The following MYRIP variants were observed in gnomAD, a reference collection of about 807,000 sequenced individuals.
MYRIP encodes myosin VIIA and Rab interacting protein.
MYRIP carries 49 observed loss-of-function variants against 98.0 expected under a neutral mutation model. That is an observed-to-expected ratio of 0.50 (90% confidence interval 0.40 to 0.63). MYRIP has a LOEUF of 0.63. Among genes scored for constraint, MYRIP ranks in the 30% least tolerant of loss-of-function variants. The probability of loss-of-function intolerance (pLI) is 0.00; values close to 1 mark genes in which losing one functional copy is unlikely to be tolerated. For synonymous variants in MYRIP, 404 were observed against 409.5 expected, an observed-to-expected ratio of 0.99 and a Z score of 0.16; for missense variants, 1,004 against 1,058.2, an observed-to-expected ratio of 0.95 and a Z score of 0.71.
intron 3 of MYRIP, among the ~76,000 whole-genome samples, chr3:40,070,878 A>G (rs113100807): frequency 1.3e-4 from 20 of 152,284 alleles, no homozygotes; most frequent in Middle Eastern, 3.4e-3. Context: ...CCAGCTTCTG[A>G]GAGATGTTGG....
intron 3 of MYRIP, among the ~76,000 whole-genome samples, chr3:40,137,619 G>C (rs778165035): frequency 1.3e-5 from 2 of 152,050 alleles, no homozygotes; most frequent in South Asian, 2.1e-4. Context: ...GATGAACATC[G>C]ATGCAAAAAT....
At chr3:39,845,416 T>C (rs1036369780) in intron 1 of MYRIP, among the ~76,000 whole-genome samples, 1 of 152,208 alleles carries the variant, frequency 6.6e-6, no homozygotes, top group Non-Finnish European at 1.5e-5. Flanking sequence ...TATTTTCTCA[T>C]TTTTTAAATT....
intron 16 of MYRIP, among the ~76,000 whole-genome samples, chr3:40,257,314 C>A (rs991321781): frequency 6.6e-6 from 1 of 152,074 alleles, no homozygotes; most frequent in Non-Finnish European, 1.5e-5. Context: ...AGAGTGAGAC[C>A]CTGTCTCTAA....
intron 3 of MYRIP, among the ~76,000 whole-genome samples, chr3:40,114,175 G>A (rs985396733): frequency 2.0e-5 from 3 of 152,094 alleles, no homozygotes; most frequent in Non-Finnish European, 2.9e-5. Flanking sequence ...TACAACAGTG[G>A]TACTATAACA....
rs750921500 is a variant in MYRIP, at chr3:39,900,804, G to C, written c.-13G>C. 152 of 1,606,148 alleles carry C rather than the reference G, an allele frequency of 9.5e-5. No homozygotes were observed. Among genetic ancestry groups the C allele is most frequent in the Non-Finnish European group, 1.2e-4 (144 of 1,173,856 alleles). ...TTTCCCAGGTCTTGTTTCATCATCT[G>C]TGTTGAGTAACCATGGGGAGGAAGC... On this transcript the variant is annotated 5_prime_UTR_variant, in exon 2 of 17. Transcript: ENST00000302541.
chr3:40,046,647 C>G (rs936774615), intron 3 of MYRIP, among the ~76,000 whole-genome samples: 1 of 149,788 alleles, frequency 6.7e-6, no homozygotes, highest in African/African-American at 2.5e-5. Flanking sequence ...GCAGAGTCAC[C>G]CAAGGTGTGT....
At chr3:40,006,958 G>C (rs542965908) in intron 2 of MYRIP, among the ~76,000 whole-genome samples, 1 of 152,016 alleles carries the variant, frequency 6.6e-6, no homozygotes, top group Non-Finnish European at 1.5e-5. Context: ...TGCTGGGCTC[G>C]GGCAATCCTC....
At chr3:39,957,966 T>C (rs1383494354) in intron 2 of MYRIP, among the ~76,000 whole-genome samples, 1 of 152,082 alleles carries the variant, frequency 6.6e-6, no homozygotes, top group African/African-American at 2.4e-5. Flanking sequence ...GGAATCTAAC[T>C]TACAAGGGAT....
Position 39,987,257 on chromosome 3 carries a change from G to A in MYRIP, c.111-56793G>A, listed in dbSNP as rs147659879. On this transcript the variant is annotated intron_variant, in intron 2 of 16. Coordinates refer to ENST00000302541, the MANE Select transcript of MYRIP (RefSeq NM_015460.4). Reference sequence around the variant, plus strand: ...CCACTTGTGAGCGAGATCATGTGGTGTTTGGTTTTCTCTTCCTGTGTTAGT... The same window carrying A: ...CCACTTGTGAGCGAGATCATGTGGTATTTGGTTTTCTCTTCCTGTGTTAGT... 2.2e-3 allele frequency among the ~76,000 whole-genome samples: 342 copies of A among 152,234 alleles called. 1 individual carries two copies. Among genetic ancestry groups the A allele is most frequent in the African/African-American group, 7.9e-3 (327 of 41,544 alleles).
chr3:40,222,803 G>A lies in MYRIP; in HGVS notation c.1906-11056G>A, dbSNP rs142496332. ...ACCTGTACAAGAATATAGCAATCTTGAACACAGTTAAATGCAAAATAAAAA... is the reference window on the plus strand; with the variant it reads ...ACCTGTACAAGAATATAGCAATCTTAAACACAGTTAAATGCAAAATAAAAA... On this transcript the variant is annotated intron_variant, in intron 11 of 16. Coordinates refer to ENST00000302541, the MANE Select transcript of MYRIP (RefSeq NM_015460.4). Among the ~76,000 whole-genome samples the A allele has an allele frequency of 2.8e-4, 42 of 152,262 alleles. 1 individual carries two copies. In the East Asian group the frequency reaches 7.1e-3, roughly 26 times the overall value.
At chr3:39,944,524 T>C (rs1453492845) in intron 2 of MYRIP, among the ~76,000 whole-genome samples, 1 of 152,068 alleles carries the variant, frequency 6.6e-6, no homozygotes, top group African/African-American at 2.4e-5. Flanking sequence ...ATATTCTGTA[T>C]ATGCACAAAA....
intron 1 of MYRIP, among the ~76,000 whole-genome samples, chr3:39,881,094 CACTA>C (rs762058562): frequency 8.4e-4 from 127 of 151,964 alleles, no homozygotes; most frequent in Non-Finnish European, 1.5e-3. Flanking sequence ...TATTCTTGTT[CACTA>C]ACTATTTTTT....
At chr3:39,909,099 G>A (rs901908305) in intron 2 of MYRIP, among the ~76,000 whole-genome samples, 1 of 152,156 alleles carries the variant, frequency 6.6e-6, no homozygotes, top group Non-Finnish European at 1.5e-5. Flanking sequence ...TGGTGCAGTG[G>A]GAGGCAGGAC....
At chr3:40,051,530 A>G (rs1947795226) in intron 3 of MYRIP, among the ~76,000 whole-genome samples, 1 of 152,162 alleles carries the variant, frequency 6.6e-6, no homozygotes, top group Non-Finnish European at 1.5e-5. Flanking sequence ...ACTGGGAAAC[A>G]AAAAATTTGT....
intron 2 of MYRIP, among the ~76,000 whole-genome samples, chr3:40,016,132 G>A (rs1255493216): frequency 2.0e-5 from 3 of 151,954 alleles, no homozygotes; most frequent in South Asian, 2.1e-4. Flanking sequence ...TCTTCCTTCT[G>A]TCCTCTTCTC....
chr3:40,044,155 C>T lies in MYRIP; in HGVS notation c.216C>T (p.Thr72=). The change falls in exon 3 of 17, where the codon ACC becomes ACT. Residue 72 remains threonine, a synonymous_variant. Coordinates refer to ENST00000302541, the MANE Select transcript of MYRIP (RefSeq NM_015460.4). ...GCATGCGCTGCTGCTCGCCCTTCAC[C>T]TTCCTCGTCAACACCAAGCGCCAGT... ...HCCMRCCSPF[T]FLVNTKRQCG... is the part of the protein sequence containing the mutation. 1.2e-6 allele frequency: 2 copies of T among 1,614,212 alleles called. No individual in the cohort carries two copies. The highest frequency in any genetic ancestry group is 2.2e-5 in the East Asian group (1 of 44,866).
chr3:40,183,208 A>C (rs960342105), intron 9 of MYRIP, among the ~76,000 whole-genome samples: 1 of 152,198 alleles, frequency 6.6e-6, no homozygotes, highest in African/African-American at 2.4e-5. Flanking sequence ...GCAGGCCCGG[A>C]GAAATGGCAT....
intron 8 of MYRIP, among the ~76,000 whole-genome samples, chr3:40,175,332 T>G (rs969982655): frequency 2.0e-5 from 3 of 152,138 alleles, no homozygotes; most frequent in African/African-American, 7.2e-5. Flanking sequence ...TTCAGCCATC[T>G]ACATGTAACA....
intron 1 of MYRIP, among the ~76,000 whole-genome samples, chr3:39,887,090 C>A (rs1173381567): frequency 6.6e-6 from 1 of 151,952 alleles, no homozygotes; most frequent in African/African-American, 2.4e-5. Context: ...TGAATGACTA[C>A]TGGGTACATA....
Sources: allele counts gnomAD v4.1 joint callset (sites outside exome capture counted in the v4.1 genomes callset), GRCh38; gene constraint gnomAD v4.1.1; transcripts MANE v1.5; gene names NCBI Gene and HGNC (gene_info 2026-07-23, HGNC 2026-07-21).